Variants in CFAP46 observed in about 807,000 individuals in gnomAD.
The protein encoded by CFAP46 is cilia and flagella associated protein 46.
Under a neutral mutation model 325.7 loss-of-function variants are expected in CFAP46, and 245 were observed. The ratio of observed to expected loss-of-function variants is 0.75; its 90% CI spans 0.68 to 0.84. The LOEUF (loss-of-function observed/expected upper bound fraction) is 0.84. Ranked by LOEUF, CFAP46 falls within the 40% of genes least tolerant of loss-of-function variation. The pLI, the probability that CFAP46 is intolerant of heterozygous loss-of-function variation, is 0.00. For synonymous variants in CFAP46, 1,523 were observed against 1,495.9 expected, an observed-to-expected ratio of 1.02 and a Z score of -0.42; for missense variants, 3,346 against 3,543.0, an observed-to-expected ratio of 0.94 and a Z score of 1.41.
intron 26 of CFAP46, 142 bp downstream of exon 26, chr10:132,885,679 C>T: frequency 1.4e-6 from 1 of 725,984 alleles, no homozygotes; most frequent in Non-Finnish European, 2.1e-6. Flanking sequence ...GTGGGGGGAG[C>T]ACACTCCGGT....
intron 50 of CFAP46, among the ~76,000 whole-genome samples, chr10:132,821,730 G>T (rs1847838517): frequency 7.7e-6 from 1 of 130,106 alleles, no homozygotes; most frequent in African/African-American, 2.8e-5. Flanking sequence ...GTGCTGACGT[G>T]TGCTGTGTGT....
Position 132,879,358 on chromosome 10 carries a change from G to A in CFAP46, c.4005+68C>T, listed in dbSNP as rs549974378. The A allele has an allele frequency of 3.4e-5, 47 of 1,392,610 alleles. No homozygotes were observed. The East Asian group carries it at 3.6e-4, about 11-fold the overall frequency. 86.3% of individuals were successfully genotyped at this position (1,392,610 alleles called of 1,614,324 possible). ...CTGACATCTTTACAACGCTCACTGCGGTTTCCCCAGCCCGCGGCCCGTCCC... is the reference window on the plus strand; with the variant it reads ...CTGACATCTTTACAACGCTCACTGCAGTTTCCCCAGCCCGCGGCCCGTCCC... On this transcript the variant is annotated intron_variant, in intron 29 of 57. Transcript: ENST00000368586.
chr10:132,916,744 G>T, intron 16 of CFAP46, 62 bp from the exon 17 acceptor site: 1 of 1,403,870 alleles, frequency 7.1e-7, no homozygotes, highest in Non-Finnish European at 9.3e-7. Context: ...CACCAGATAG[G>T]AAACACACAC....
Position 132,860,461 on chromosome 10 carries a change from G to C in CFAP46, c.5154C>G (p.Asn1718Lys), listed in dbSNP as rs1848705037. The C allele has an allele frequency of 6.4e-7, 1 of 1,551,132 alleles. No homozygotes were observed. The highest frequency in any genetic ancestry group is 1.2e-5 in the South Asian group (1 of 84,070). The change falls in exon 37 of 58, where the codon AAC becomes AAG. Residue 1718 changes from asparagine to lysine, a missense_variant. Asn to Lys is a moderately conservative substitution (Grantham distance 94, BLOSUM62 0). Transcript: ENST00000368586. ...AFKILKKERP[N>K]RLPLLEFMIT... Reference sequence around the variant, plus strand: ...TCATGAATTCCAGTAAAGGCAATCGGTTTGGTCTTTCTTTCTTGAGGATCT... The same window carrying C: ...TCATGAATTCCAGTAAAGGCAATCGCTTTGGTCTTTCTTTCTTGAGGATCT...
chr10:132,817,809 G>C lies in CFAP46; in HGVS notation c.7118-2895C>G, dbSNP rs952276142. ...CAAAACGCAGGCTTGATGTGGCACT[G>C]CTTCCTGTCTGACGGTTCTGGGAGT... On this transcript the variant is annotated intron_variant, in intron 50 of 57. Transcript: ENST00000368586. This position sits in a 1 kb window ranked among gnomAD's most constrained non-coding sequence, Gnocchi z 4.4. Among the ~76,000 whole-genome samples, 2 of 152,250 alleles carry C rather than the reference G, an allele frequency of 1.3e-5. No homozygotes were observed. The highest frequency in any genetic ancestry group is 2.4e-5 in the African/African-American group (1 of 41,470).
At position 132,828,321 on chromosome 10, in the gene CFAP46, C is replaced by G. The variant is rs972337115; in HGVS notation, c.7117+5037G>C. Reference sequence around the variant, plus strand: ...TCCAGCATTCACCATTCCCACCAGCCGAGTATGAGGGTTCCGGTTCCACAC... The same window carrying G: ...TCCAGCATTCACCATTCCCACCAGCGGAGTATGAGGGTTCCGGTTCCACAC... On this transcript the variant is annotated intron_variant, in intron 50 of 57. Coordinates refer to ENST00000368586, the MANE Select transcript of CFAP46 (RefSeq NM_001200049.3). This position sits in a 1 kb window ranked among gnomAD's most constrained non-coding sequence, Gnocchi z 4.9. Among the ~76,000 whole-genome samples the G allele has an allele frequency of 5.3e-5, 8 of 152,198 alleles. No individual in the cohort carries two copies. The highest frequency in any genetic ancestry group is 2.0e-4 in the Admixed American group (3 of 15,278).
At chr10:132,912,583 T>TTCA (rs1849566425) in intron 19 of CFAP46, 72 bp downstream of exon 19, 1 of 1,296,676 alleles carries the variant, frequency 7.7e-7, no homozygotes. Flanking sequence ...ACCTCTCCTC[T>TTCA]CCTCTCTCTC....
chr10:132,890,757 G>C (rs977482804), intron 25 of CFAP46, among the ~76,000 whole-genome samples: 3 of 152,266 alleles, frequency 2.0e-5, no homozygotes, highest in Non-Finnish European at 4.4e-5. Flanking sequence ...CTTGCCGTGT[G>C]CGTCGGGCTC....
intron 34 of CFAP46, among the ~76,000 whole-genome samples, chr10:132,866,520 G>C (rs1414521948): frequency 6.6e-6 from 1 of 152,196 alleles, no homozygotes; most frequent in South Asian, 2.1e-4. Context: ...TCGTGGTGCC[G>C]AACAACCCTG....
intron 24 of CFAP46, among the ~76,000 whole-genome samples, chr10:132,892,787 C>G (rs1352231359): frequency 6.6e-6 from 1 of 152,204 alleles, no homozygotes; most frequent in Non-Finnish European, 1.5e-5. Flanking sequence ...GGTAAACTCT[C>G]TATTTACACC....
intron 50 of CFAP46, among the ~76,000 whole-genome samples, chr10:132,821,738 TGTGC>T (rs1344876377): frequency 2.3e-5 from 3 of 130,088 alleles, no homozygotes; most frequent in Non-Finnish European, 5.2e-5. Context: ...GTGTGCTGTG[TGTGC>T]GCTGATGTGT....
chr10:132,892,630 T>C (rs980475807), intron 24 of CFAP46, among the ~76,000 whole-genome samples: 1 of 152,232 alleles, frequency 6.6e-6, no homozygotes, highest in Non-Finnish European at 1.5e-5. Flanking sequence ...ATAACTTAAG[T>C]TATTTTAATG....
chr10:132,879,746 C>G, intron 28 of CFAP46, 115 bp from the exon 29 acceptor site: 1 of 1,076,072 alleles, frequency 9.3e-7, no homozygotes, highest in East Asian at 2.8e-5. Context: ...TCGCGGACAC[C>G]CGGTGCTCCA....
chr10:132,895,377 TCTCA>T (rs1849304869), intron 24 of CFAP46, among the ~76,000 whole-genome samples: 1 of 152,218 alleles, frequency 6.6e-6, no homozygotes, highest in Non-Finnish European at 1.5e-5. Context: ...GCTGAAGCTC[TCTCA>T]CTAAGACCAG....
chr10:132,906,963 T>C (rs1849465770), intron 22 of CFAP46, among the ~76,000 whole-genome samples: 1 of 152,262 alleles, frequency 6.6e-6, no homozygotes, highest in Admixed American at 6.5e-5. Flanking sequence ...ACTGGCCTGC[T>C]TGTGCCTCTG....
At chr10:132,863,734 C>CA in intron 35 of CFAP46, among the ~76,000 whole-genome samples, 1 of 147,322 alleles carries the variant, frequency 6.8e-6, no homozygotes, top group Non-Finnish European at 1.5e-5. Context: ...CACCTGTCCC[C>CA]CTTCCTGAGC....
At chr10:132,926,265 A>G (rs1335603951) in intron 10 of CFAP46, among the ~76,000 whole-genome samples, 3 of 152,156 alleles carry the variant, frequency 2.0e-5, no homozygotes, top group Admixed American at 6.5e-5. Flanking sequence ...AGGCATCACC[A>G]CACGGCGGGG....
chr10:132,867,628 C>G (rs1233373019), intron 33 of CFAP46, 121 bp from the exon 34 acceptor site: 28 of 1,295,526 alleles, frequency 2.2e-5, no homozygotes, highest in Non-Finnish European at 2.9e-5. Flanking sequence ...CGCGTGTTTA[C>G]AAAGATTTTT....
intron 27 of CFAP46, among the ~76,000 whole-genome samples, chr10:132,881,265 A>G (rs1849038835): frequency 6.6e-6 from 1 of 152,086 alleles, no homozygotes; most frequent in Non-Finnish European, 1.5e-5. Flanking sequence ...CAGCTTGGCG[A>G]ATTCCTTCCC....
Sources: gnomAD v4.1 joint callset for allele counts (sites outside exome capture counted in the v4.1 genomes callset) on GRCh38, gnomAD v4.1.1 for gene constraint, Gnocchi (gnomAD v3.1) non-coding constraint, MANE v1.5 for transcripts, NCBI Gene and HGNC (gene_info 2026-07-23, HGNC 2026-07-21) for gene names.